The following PAMR1 variants were observed in gnomAD, a reference collection of about 807,000 sequenced individuals.
PAMR1 encodes the protein inactive serine protease PAMR1.
Under a neutral mutation model 81.8 loss-of-function variants are expected in PAMR1, and 88 were observed. That is an observed-to-expected ratio of 1.08 (90% CI 0.91 to 1.28). The LOEUF (loss-of-function observed/expected upper bound fraction) is 1.28, where lower values mean the gene tolerates loss of function less well. PAMR1 is among the 50% of genes most tolerant of loss of function. The pLI is 0.00. For synonymous variants in PAMR1, 336 were observed against 345.3 expected, an observed-to-expected ratio of 0.97 and a Z score of 0.30; for missense variants, 935 against 919.7, an observed-to-expected ratio of 1.02 and a Z score of -0.21.
At chr11:35,459,118 C>A (rs1418977980) in intron 6 of PAMR1, among the ~76,000 whole-genome samples, 1 of 152,106 alleles carries the variant, frequency 6.6e-6, no homozygotes, top group African/African-American at 2.4e-5. Flanking sequence ...GTTATTTTTT[C>A]ATCCGGCAGC....
intron 7 of PAMR1, 73 bp from the exon 8 acceptor site, chr11:35,439,766 T>G: frequency 7.7e-7 from 1 of 1,295,386 alleles, no homozygotes; most frequent in Non-Finnish European, 1.1e-6. Flanking sequence ...TTCAGATTCA[T>G]ACCTGACCCC....
At chr11:35,436,610 T>A (rs1007151711) in intron 8 of PAMR1, among the ~76,000 whole-genome samples, 7 of 152,004 alleles carry the variant, frequency 4.6e-5, no homozygotes, top group Middle Eastern at 3.4e-3. Context: ...ATTCTGTGTC[T>A]CTCTGTTTCT....
At chr11:35,438,026 C>T (rs957677247) in intron 8 of PAMR1, among the ~76,000 whole-genome samples, 2 of 152,160 alleles carry the variant, frequency 1.3e-5, no homozygotes, top group South Asian at 2.1e-4. Flanking sequence ...TTTCAGTCAC[C>T]GGAATTCACT....
intron 10 of PAMR1, 107 bp downstream of exon 10, chr11:35,434,405 G>T: frequency 1.9e-6 from 2 of 1,070,644 alleles, no homozygotes; most frequent in South Asian, 1.5e-5. Context: ...GCTCTGGGCT[G>T]GCTGCTGACA....
chr11:35,513,913 T>C (rs1213874843), intron 1 of PAMR1, among the ~76,000 whole-genome samples: 2 of 152,214 alleles, frequency 1.3e-5, no homozygotes, highest in Admixed American at 6.5e-5. Context: ...TCCAGGAGAA[T>C]GCGTTACCAA....
chr11:35,506,627 C>T (rs647650), intron 1 of PAMR1, among the ~76,000 whole-genome samples: 1,530 of 151,388 alleles, frequency 0.01, 32 homozygotes, highest in African/African-American at 0.035. Flanking sequence ...ACATGTTGTC[C>T]TCCTCCCCCA....
In PAMR1 at chr11:35,479,906, C is replaced by T. The variant is rs144297138; in HGVS notation, c.380-5162G>A. Among the ~76,000 whole-genome samples, 308 of 152,268 alleles carry T rather than the reference C, an allele frequency of 2.0e-3. 5 individuals carry two copies. The highest frequency in any genetic ancestry group is 5.1e-4 in the Non-Finnish European group (35 of 68,038). ...AATGAGTCAGTACAGGAAGGTACTC[C>T]GAATGATGCCTGGTTCATAGTAAGT... On this transcript the variant is annotated intron_variant, in intron 3 of 10. Transcript: ENST00000619888.
intron 6 of PAMR1, 97 bp from the exon 7 acceptor site, chr11:35,441,790 G>T: frequency 1.3e-6 from 1 of 771,970 alleles, no homozygotes. Flanking sequence ...AAAATACAAT[G>T]ATATAGGATC....
At chr11:35,445,578 G>T (rs553688115) in intron 6 of PAMR1, among the ~76,000 whole-genome samples, 2 of 129,754 alleles carry the variant, frequency 1.5e-5, no homozygotes, top group African/African-American at 6.2e-5. Flanking sequence ...AGGCTTTTCT[G>T]TGTCTATTTA....
chr11:35,445,189 T>C (rs1856263968), intron 6 of PAMR1, among the ~76,000 whole-genome samples: 1 of 152,192 alleles, frequency 6.6e-6, no homozygotes, highest in Non-Finnish European at 1.5e-5. Context: ...TATATTGATT[T>C]TGTGTCCTGA....
intron 1 of PAMR1, among the ~76,000 whole-genome samples, chr11:35,522,486 A>G (rs560348301): frequency 4.7e-4 from 72 of 152,306 alleles, no homozygotes; most frequent in Middle Eastern, 3.4e-3. Context: ...TTCACTTAGC[A>G]TAAGGTCTTA....
At chr11:35,436,261 G>T (rs1406375198) in intron 8 of PAMR1, 126 bp from the exon 9 acceptor site, 1 of 652,712 alleles carries the variant, frequency 1.5e-6, no homozygotes, top group Non-Finnish European at 2.7e-6. Flanking sequence ...CTCTGTCTCT[G>T]TCTCTCTCTA....
At chr11:35,439,577 G>C (rs762789442) in intron 8 of PAMR1, 50 bp downstream of exon 8, 2 of 1,431,776 alleles carry the variant, frequency 1.4e-6, no homozygotes, top group Admixed American at 1.7e-5. Flanking sequence ...GGAATGGAAG[G>C]GGAAATACTC....
In PAMR1 at chr11:35,441,840, A is replaced by G. The variant is rs1033645111; in HGVS notation, c.821-147T>C. 7.3e-6 allele frequency: 4 copies of G among 550,692 alleles called. No individual in the cohort carries two copies. The African/African-American group carries it at 7.7e-5, about 11-fold the overall frequency. 34.1% of individuals were successfully genotyped at this position (550,692 alleles called of 1,614,324 possible). On this transcript the variant is annotated intron_variant, in intron 6 of 10. Coordinates refer to ENST00000619888, the MANE Select transcript of PAMR1 (RefSeq NM_001001991.3). ...ATTACTAAAATAAATCTCATAATAG[A>G]AAATTCATGTACTAGACATGTATTT... is the stretch of plus-strand genomic sequence containing the variant.
intron 2 of PAMR1, among the ~76,000 whole-genome samples, chr11:35,492,682 A>C (rs1035154859): frequency 1.3e-5 from 2 of 152,180 alleles, no homozygotes; most frequent in African/African-American, 2.4e-5. Context: ...ATAGACAGTA[A>C]ATATCTTCCT....
chr11:35,447,145 A>C (rs1856309862), intron 6 of PAMR1, among the ~76,000 whole-genome samples: 1 of 150,204 alleles, frequency 6.7e-6, no homozygotes, highest in South Asian at 2.1e-4. Flanking sequence ...AGAAACTAGC[A>C]TTGCAGCCCC....
chr11:35,435,239 C>G (rs1216678837), intron 9 of PAMR1, among the ~76,000 whole-genome samples: 1 of 152,206 alleles, frequency 6.6e-6, no homozygotes, highest in Non-Finnish European at 1.5e-5. Flanking sequence ...ATATTGTTCT[C>G]CTTTCGCAAA....
intron 2 of PAMR1, among the ~76,000 whole-genome samples, chr11:35,493,461 A>G (rs1454289686): frequency 6.6e-6 from 1 of 151,640 alleles, no homozygotes; most frequent in Non-Finnish European, 1.5e-5. Context: ...CCATCTATCC[A>G]GGTCTCTCAT....
chr11:35,520,989 C>T (rs1286199554), intron 1 of PAMR1, among the ~76,000 whole-genome samples: 1 of 152,184 alleles, frequency 6.6e-6, no homozygotes, highest in Non-Finnish European at 1.5e-5. Flanking sequence ...CAATGGCATT[C>T]TAAAGCCCTC....
Sources: allele counts gnomAD v4.1 joint callset (sites outside exome capture counted in the v4.1 genomes callset), GRCh38; gene constraint gnomAD v4.1.1; transcripts MANE v1.5; gene names NCBI Gene and HGNC (gene_info 2026-07-23, HGNC 2026-07-21).